ASNS: variants seen among roughly 807,000 people sequenced by gnomAD.
ASNS encodes asparagine synthetase (glutamine-hydrolyzing).
In ASNS, 37 loss-of-function variants were observed where a neutral mutation model predicts 62.6. The observed-to-expected ratio is 0.59, with a 90% CI of 0.45 to 0.78. The LOEUF (loss-of-function observed/expected upper bound fraction) is 0.78, where lower values mean the gene tolerates loss of function less well. Among genes scored for constraint, ASNS ranks in the 30% least tolerant of loss-of-function variants. The probability of loss-of-function intolerance (pLI) is 0.00; values close to 1 mark genes in which losing one functional copy is unlikely to be tolerated. For synonymous variants in ASNS, 207 were observed against 237.9 expected (o/e 0.87, Z 1.19); for missense variants, 520 against 682.4 (o/e 0.76, Z 2.65).
the ASNS span, among the ~76,000 whole-genome samples, chr7:97,916,707 G>C: frequency 6.6e-6 from 1 of 152,220 alleles, no homozygotes; most frequent in African/African-American, 2.4e-5. Context: ...TTTTCTGGAA[G>C]GGGGAGGCGG....
In ASNS at chr7:97,852,450, C is replaced by T. The variant is rs1791226802; in HGVS notation, c.1495G>A (p.Ala499Thr). The T allele has an allele frequency of 6.2e-7, 1 of 1,614,072 alleles. No homozygotes were observed. The highest frequency in any genetic ancestry group is 2.2e-5 in the East Asian group (1 of 44,886). Reference protein sequence around the residue: ...VEHQVDDAMMANAAQKFPFNT... With the variant: ...VEHQVDDAMMTNAAQKFPFNT... ...AAGGGAAATTTCTGGGCTGCATTTG[C>T]CATCATTGCATCATCAACCTGTAAG... is the stretch of plus-strand genomic sequence containing the variant. Residue 499 changes from alanine to threonine, a missense_variant, in exon 13 of 13, where the codon GCA becomes ACA. Coordinates refer to ENST00000394308, the MANE Select transcript of ASNS (RefSeq NM_001673.5).
the ASNS span, among the ~76,000 whole-genome samples, chr7:97,906,095 C>T: frequency 7.2e-4 from 110 of 152,248 alleles, no homozygotes; most frequent in African/African-American, 2.5e-3. Context: ...CTCCTTCTAC[C>T]AAACTTTGTC....
At chr7:97,919,384 G>A in the ASNS span, among the ~76,000 whole-genome samples, 3 of 152,210 alleles carry the variant, frequency 2.0e-5, no homozygotes, top group East Asian at 5.8e-4. Flanking sequence ...GGGATTACAG[G>A]TGTGAGCCAC....
intron 4 of ASNS, chr7:97,863,707 C>A (rs1791830460): frequency 6.6e-6 from 1 of 152,368 alleles, no homozygotes; most frequent in African/African-American, 2.4e-5. Flanking sequence ...CCTAGTTGAT[C>A]CTGCCAGCAA....
chr7:97,887,603 CCCAGG>C, the ASNS span, among the ~76,000 whole-genome samples: 1 of 152,196 alleles, frequency 6.6e-6, no homozygotes, highest in South Asian at 2.1e-4. Context: ...TGAGAACAAG[CCCAGG>C]CCAGACTGCT....
At chr7:97,920,551 T>G in the ASNS span, among the ~76,000 whole-genome samples, 1 of 152,144 alleles carries the variant, frequency 6.6e-6, no homozygotes, top group African/African-American at 2.4e-5. Flanking sequence ...AGCCCTGTGC[T>G]GCACTGTGGG....
At chr7:97,860,971 A>G (rs1785708134) in intron 4 of ASNS, among the ~76,000 whole-genome samples, 1 of 146,632 alleles carries the variant, frequency 6.8e-6, no homozygotes, top group African/African-American at 2.5e-5. Context: ...GGGATTTTAT[A>G]GTTTTAGCCC....
In ASNS at chr7:97,856,753, C is replaced by T. The variant is rs144612052; in HGVS notation, c.967G>A (p.Ala323Thr). The change falls in exon 8 of 13, where the codon GCT becomes ACT. Residue 323 changes from alanine (A) to threonine (T), a missense_variant. Ala to Thr is a moderately conservative substitution (Grantham distance 58). Transcript: ENST00000394308. ...AAGGAAAATATGACTTCATCCAGAG[C>T]CTGAATGCCTTCCTCAGAGTTAAAA... ...VLFNSEEGIQ[A>T]LDEVIFSLET... 10 of 1,612,686 alleles carry T rather than the reference C, an allele frequency of 6.2e-6. No individual in the cohort carries two copies. The African/African-American group carries it at 1.3e-4, about 22-fold the overall frequency.
chr7:97,883,297 G>C, the ASNS span, among the ~76,000 whole-genome samples: 1 of 152,098 alleles, frequency 6.6e-6, no homozygotes, highest in Admixed American at 6.6e-5. Context: ...GCCTTTGAAA[G>C]TCTAGACATC....
At chr7:97,912,195 C>T in the ASNS span, among the ~76,000 whole-genome samples, 11 of 152,150 alleles carry the variant, frequency 7.2e-5, no homozygotes, top group Non-Finnish European at 1.3e-4. Context: ...TGGCAAAACC[C>T]GCCCAAGTCT....
intron 1 of ASNS, among the ~76,000 whole-genome samples, chr7:97,870,861 G>A (rs1350358518): frequency 6.6e-6 from 1 of 152,034 alleles, no homozygotes; most frequent in Non-Finnish European, 1.5e-5. Flanking sequence ...AACTGGAGGG[G>A]AAAAAGGGAG....
chr7:97,917,341 C>T, the ASNS span, among the ~76,000 whole-genome samples: 13 of 151,894 alleles, frequency 8.6e-5, no homozygotes, highest in African/African-American at 2.9e-4. Context: ...AGAGAAGCCA[C>T]GGCCGTGCTC....
upstream of ASNS, among the ~76,000 whole-genome samples, chr7:97,874,970 T>C (rs1351329845): frequency 2.0e-5 from 3 of 152,272 alleles, no homozygotes; most frequent in East Asian, 5.8e-4. Flanking sequence ...TGTTTGGGTT[T>C]GTTAGCCTGA....
At chr7:97,852,986 T>C in intron 12 of ASNS, 74 bp downstream of exon 12, 2 of 1,398,100 alleles carry the variant, frequency 1.4e-6, no homozygotes, top group Non-Finnish European at 1.9e-6. Flanking sequence ...TCAAACTAAA[T>C]ACAAAATGAA....
Position 97,854,579 on chromosome 7 carries a change from C to G in ASNS, c.1238+1G>C. On this transcript the variant is annotated splice_donor_variant, in intron 10 of 12. Transcript: ENST00000394308. LOFTEE classifies it high-confidence loss of function. ...TTTACAATAGCCTCTAAAAATATTACCCATGGGCAGCAGTAGTTCGATCTG... is the reference window on the plus strand; with the variant it reads ...TTTACAATAGCCTCTAAAAATATTAGCCATGGGCAGCAGTAGTTCGATCTG... The G allele has an allele frequency of 3.7e-6, 6 of 1,611,764 alleles. No homozygotes were observed. The highest frequency in any genetic ancestry group is 5.1e-6 in the Non-Finnish European group (6 of 1,179,412).
chr7:97,869,548 A>G (rs1052677356), intron 2 of ASNS, among the ~76,000 whole-genome samples: 1 of 152,130 alleles, frequency 6.6e-6, no homozygotes, highest in Non-Finnish European at 1.5e-5. Context: ...GCTGGCTCCA[A>G]CCTAGCCAGA....
chr7:97,891,450 C>T, the ASNS span, among the ~76,000 whole-genome samples: 972 of 119,048 alleles, frequency 8.2e-3, no homozygotes, highest in South Asian at 0.02. Context: ...CCAACAGTCC[C>T]CCAAAGTCTT....
intron 3 of ASNS, among the ~76,000 whole-genome samples, chr7:97,868,001 C>G (rs376413106): frequency 2.6e-5 from 4 of 152,092 alleles, no homozygotes. Context: ...AATGCATGAA[C>G]CTTGAATGAA....
the ASNS span, among the ~76,000 whole-genome samples, chr7:97,912,717 G>A: frequency 1.3e-5 from 2 of 151,594 alleles, no homozygotes; most frequent in East Asian, 3.9e-4. Flanking sequence ...TGAGTAGCTG[G>A]GACTACAGGC....
Sources: gnomAD v4.1 joint callset for allele counts (sites outside exome capture counted in the v4.1 genomes callset) on GRCh38, gnomAD v4.1.1 for gene constraint, MANE v1.5 for transcripts, NCBI Gene and HGNC (gene_info 2026-07-23, HGNC 2026-07-21) for gene names.